The following ADGRL2 variants were observed in gnomAD, a reference collection of about 807,000 sequenced individuals.
ADGRL2 encodes calcium-independent alpha-latrotoxin receptor 2.
ADGRL2 carries 44 observed loss-of-function variants against 157.4 expected under a neutral mutation model. The observed-to-expected ratio is 0.28, with a 90% confidence interval of 0.22 to 0.36. The LOEUF (loss-of-function observed/expected upper bound fraction) is 0.36. ADGRL2 is among the 10% of genes least tolerant of loss of function. The pLI is 1.00. For missense variants in ADGRL2, 1,510 were observed against 1,768.9 expected, an observed-to-expected ratio of 0.85 and a Z score of 2.63; for synonymous variants, 585 against 624.7, an observed-to-expected ratio of 0.94 and a Z score of 0.95.
chr1:81,312,345 A>T (rs1659813207), intron 1 of ADGRL2, among the ~76,000 whole-genome samples: 2 of 152,220 alleles, frequency 1.3e-5, no homozygotes, highest in South Asian at 2.1e-4. Flanking sequence ...GGCAGCTTCC[A>T]AGTTACAATG....
chr1:81,642,531 G>A (rs1029731697), intron 3 of ADGRL2, among the ~76,000 whole-genome samples: 5 of 151,694 alleles, frequency 3.3e-5, no homozygotes, highest in Non-Finnish European at 7.4e-5. Flanking sequence ...TAAAGAAATT[G>A]AATCAATAAT....
At chr1:81,782,397 T>G (rs2086852336) in intron 2 of ADGRL2, among the ~76,000 whole-genome samples, 1 of 152,204 alleles carries the variant, frequency 6.6e-6, no homozygotes, top group African/African-American at 2.4e-5. Flanking sequence ...GGGGGTAATT[T>G]CTAATGCCAG....
At chr1:81,629,493 A>G (rs1346256148) in intron 3 of ADGRL2, among the ~76,000 whole-genome samples, 2 of 152,176 alleles carry the variant, frequency 1.3e-5, no homozygotes, top group East Asian at 3.9e-4. Flanking sequence ...ATTATTTTTG[A>G]AAATAAAAGA....
At chr1:81,939,048 A>G (rs1168902305) in intron 4 of ADGRL2, among the ~76,000 whole-genome samples, 1 of 151,562 alleles carries the variant, frequency 6.6e-6, no homozygotes, top group African/African-American at 2.4e-5. Context: ...CTTTATACCA[A>G]TTTCTATCCC....
In ADGRL2 at chr1:81,427,220, G is replaced by A. The variant is rs190360331; in HGVS notation, c.-301-17816G>A. On this transcript the variant is annotated intron_variant, in intron 1 of 24. Coordinates refer to the ADGRL2 transcript ENST00000370721. ...CCATGGTGGCAACTTTGGTGGAAGAGGAGGCTATGCTGGTGGAGGTGGTGG... is the reference window on the plus strand; with the variant it reads ...CCATGGTGGCAACTTTGGTGGAAGAAGAGGCTATGCTGGTGGAGGTGGTGG... The A allele has an allele frequency of 2.5e-3, 1,989 of 784,798 alleles. 6 individuals carry two copies. The highest frequency in any genetic ancestry group is 5.9e-3 in the Middle Eastern group (26 of 4,412). The allele number at this position is 784,798 out of a possible 1,614,324, so 48.6% of individuals were successfully genotyped here.
intron 2 of ADGRL2, among the ~76,000 whole-genome samples, chr1:81,859,673 G>T (rs1316950542): frequency 6.6e-6 from 1 of 152,012 alleles, no homozygotes; most frequent in Non-Finnish European, 1.5e-5. Flanking sequence ...CTCCCAAAGT[G>T]CTGGGATTAC....
At chr1:81,859,943 G>A (rs969049071) in intron 2 of ADGRL2, among the ~76,000 whole-genome samples, 2 of 151,306 alleles carry the variant, frequency 1.3e-5, no homozygotes, top group Non-Finnish European at 2.9e-5. Flanking sequence ...CATAAAAAAC[G>A]GGCCAGGCGT....
At chr1:81,822,418 A>G (rs2091082522) in intron 1 of ADGRL2, among the ~76,000 whole-genome samples, 1 of 151,562 alleles carries the variant, frequency 6.6e-6, no homozygotes, top group Admixed American at 6.6e-5. Context: ...TTATATTTTA[A>G]TATTAAAATT....
intron 11 of ADGRL2, among the ~76,000 whole-genome samples, chr1:81,961,122 G>GT (rs1284162438): frequency 4.7e-5 from 7 of 147,954 alleles, no homozygotes; most frequent in African/African-American, 1.7e-4. Flanking sequence ...TCTGTTTACA[G>GT]TATTGGCTGA....
intron 3 of ADGRL2, among the ~76,000 whole-genome samples, chr1:81,634,286 GC>G (rs2082072108): frequency 6.6e-6 from 1 of 152,004 alleles, no homozygotes; most frequent in Non-Finnish European, 1.5e-5. Flanking sequence ...CTCTCATTAG[GC>G]CTCTTTATGG....
intron 3 of ADGRL2, among the ~76,000 whole-genome samples, chr1:81,616,679 C>CTTTTTTTTTTTTTTTTTTTTT (rs1164087131): frequency 2.8e-5 from 3 of 105,984 alleles, no homozygotes; most frequent in Non-Finnish European, 5.5e-5. Context: ...CTTTTCTTTT[C>CTTTTTTTTTTTTTTTTTTTTT]TTTTTTTTTT....
At chr1:81,709,360 T>C (rs1001036134) in intron 1 of ADGRL2, among the ~76,000 whole-genome samples, 5 of 152,156 alleles carry the variant, frequency 3.3e-5, no homozygotes, top group African/African-American at 1.2e-4. Flanking sequence ...GCCAACTGAA[T>C]GGTGCTCCTT....
At chr1:81,933,132 C>A (rs566357002) in intron 3 of ADGRL2, among the ~76,000 whole-genome samples, 6 of 152,210 alleles carry the variant, frequency 3.9e-5, no homozygotes, top group African/African-American at 1.4e-4. Context: ...TGAAATAAGA[C>A]CAGTTATTTG....
chr1:81,900,205 T>C (rs990494136), intron 2 of ADGRL2, among the ~76,000 whole-genome samples: 1 of 152,114 alleles, frequency 6.6e-6, no homozygotes, highest in Non-Finnish European at 1.5e-5. Context: ...GGGTGGCAAA[T>C]TCCCTCTAAA....
At chr1:81,335,834 TAA>T (rs11351612) in intron 1 of ADGRL2, among the ~76,000 whole-genome samples, 45 of 143,222 alleles carry the variant, frequency 3.1e-4, no homozygotes, top group Admixed American at 4.9e-4. Flanking sequence ...ATATAGTGTT[TAA>T]AAAAAAAAAA....
rs888020639 is a variant in ADGRL2, at chr1:81,542,826, T to C, written c.-247-38050T>C. On this transcript the variant is annotated intron_variant, in intron 2 of 24. Coordinates refer to the ADGRL2 transcript ENST00000370721. ...ACAATGGATTATTCAGATTTTACAATAGTTATTTCTCAGCAAATAATGTTG... is the reference window on the plus strand; with the variant it reads ...ACAATGGATTATTCAGATTTTACAACAGTTATTTCTCAGCAAATAATGTTG... Among the ~76,000 whole-genome samples the C allele has an allele frequency of 2.6e-5, 4 of 152,192 alleles. No homozygotes were observed. The South Asian group carries it at 6.2e-4, about 24-fold the overall frequency.
chr1:81,320,175 C>G lies in ADGRL2; in HGVS notation c.-302+13666C>G, dbSNP rs116830791. On this transcript the variant is annotated intron_variant, in intron 1 of 24. Transcript: ENST00000370721. The stretch of plus-strand genomic sequence containing the variant: ...CATCCATAAGAAGTAACTTCTCATC[C>G]ATTCAAGTTTTGTCATGAGTCTGTA... Among the ~76,000 whole-genome samples, 1,326 of 152,306 alleles carry G rather than the reference C, an allele frequency of 8.7e-3. 17 individuals carry two copies. The highest frequency in any genetic ancestry group is 0.03 in the African/African-American group (1,266 of 41,572).
intron 1 of ADGRL2, among the ~76,000 whole-genome samples, chr1:81,342,993 CT>C (rs1264025125): frequency 5.9e-5 from 9 of 151,678 alleles, no homozygotes; most frequent in Non-Finnish European, 1.0e-4. Flanking sequence ...TAAAATAAAT[CT>C]TTTTAATGTA....
chr1:81,954,409 AG>A (rs1413054037), intron 10 of ADGRL2, among the ~76,000 whole-genome samples: 1 of 152,328 alleles, frequency 6.6e-6, no homozygotes, highest in Non-Finnish European at 1.5e-5. Flanking sequence ...TGTCATTTTC[AG>A]TATGTCTCAA....
Sources: gnomAD v4.1 joint callset for allele counts (sites outside exome capture counted in the v4.1 genomes callset) on GRCh38, gnomAD v4.1.1 for gene constraint, MANE v1.5 for transcripts, NCBI Gene and HGNC (gene_info 2026-07-23, HGNC 2026-07-21) for gene names.